UBE2D2: variants seen among roughly 807,000 people sequenced by gnomAD.
UBE2D2 encodes the protein ubiquitin-conjugating enzyme E2 D2.
In UBE2D2, 2 loss-of-function variants were observed where a neutral mutation model predicts 24.2. That is an observed-to-expected ratio of 0.08 (90% CI 0.03 to 0.26). The LOEUF (loss-of-function observed/expected upper bound fraction) is 0.26, where lower values mean the gene tolerates loss of function less well. UBE2D2 is among the 10% of genes least tolerant of loss of function. The pLI is 1.00. For synonymous variants in UBE2D2, 58 were observed against 56.5 expected, an observed-to-expected ratio of 1.03 and a Z score of -0.12; for missense variants, 44 against 177.6, an observed-to-expected ratio of 0.25 and a Z score of 4.28.
intron 1 of UBE2D2, among the ~76,000 whole-genome samples, chr5:139,532,011 C>A (rs888419447): frequency 6.6e-6 from 1 of 151,608 alleles, no homozygotes; most frequent in Non-Finnish European, 1.5e-5. Flanking sequence ...TTATGCATGA[C>A]CTCATTTATG....
At chr5:139,569,362 T>C (rs1753305166) in intron 1 of UBE2D2, among the ~76,000 whole-genome samples, 2 of 152,164 alleles carry the variant, frequency 1.3e-5, no homozygotes, top group African/African-American at 4.8e-5. Flanking sequence ...TTCTCTGAAG[T>C]CTCCCAGTGT....
intron 1 of UBE2D2, among the ~76,000 whole-genome samples, chr5:139,532,653 G>A (rs1396159791): frequency 6.6e-6 from 1 of 151,676 alleles, no homozygotes; most frequent in Non-Finnish European, 1.5e-5. Flanking sequence ...GCTTGGCCTA[G>A]TTTTTGTATA....
At position 139,536,420 on chromosome 5, in the gene UBE2D2, G is replaced by A. The variant is rs371091050; in HGVS notation, c.-64+9808G>A. Among the ~76,000 whole-genome samples the A allele has an allele frequency of 3.3e-4, 50 of 151,182 alleles. 1 individual carries two copies. The East Asian group carries it at 6.1e-3, about 18-fold the overall frequency. ...ACTCTGTAGCCCAGGCTGGAGTGCA[G>A]TGGCATAATCTTGGCTCACTGCAAC... On this transcript the variant is annotated intron_variant, in intron 1 of 6. Transcript: ENST00000511725.
chr5:139,532,738 C>T lies in UBE2D2; in HGVS notation c.-64+6126C>T, dbSNP rs183938620. Reference sequence around the variant, plus strand: ...CTGACCTCAACGGATCAGCCTGCCTCGGCCTCCCAAAGTGCTGGGATTACA... The same window carrying T: ...CTGACCTCAACGGATCAGCCTGCCTTGGCCTCCCAAAGTGCTGGGATTACA... On this transcript the variant is annotated intron_variant, in intron 1 of 6. Coordinates refer to the UBE2D2 transcript ENST00000511725. Among the ~76,000 whole-genome samples the T allele has an allele frequency of 2.3e-4, 35 of 152,060 alleles. No homozygotes were observed. The East Asian group carries it at 5.6e-3, about 24-fold the overall frequency.
chr5:139,613,737 A>C (rs1173592922), intron 2 of UBE2D2, among the ~76,000 whole-genome samples: 1 of 152,112 alleles, frequency 6.6e-6, no homozygotes, highest in African/African-American at 2.4e-5. Flanking sequence ...GTCTTTCTTA[A>C]TTTGAGTATT....
chr5:139,626,975 A>G lies in UBE2D2; in HGVS notation c.*174A>G. ...TTGTACATACTTGGAACAACAAACT[A>G]GAAATACTGTACTTCTGTACCAACA... On this transcript the variant is annotated 3_prime_UTR_variant, in exon 7 of 7. Coordinates refer to ENST00000398733, the MANE Select transcript of UBE2D2 (RefSeq NM_003339.3). 1 of 576,496 alleles carries G rather than the reference A, an allele frequency of 1.7e-6. No homozygotes were observed. The highest frequency in any genetic ancestry group is 3.2e-5 in the Admixed American group (1 of 31,096). The allele number at this position is 576,496 out of a possible 1,614,324, so 35.7% of individuals were successfully genotyped here.
intron 1 of UBE2D2, among the ~76,000 whole-genome samples, chr5:139,579,423 A>G (rs1211936327): frequency 1.3e-5 from 2 of 152,192 alleles, no homozygotes; most frequent in African/African-American, 2.4e-5. Context: ...CTGTGATTAC[A>G]GGCGTGAACC....
chr5:139,570,664 A>G (rs542353199), intron 1 of UBE2D2, among the ~76,000 whole-genome samples: 1 of 152,246 alleles, frequency 6.6e-6, no homozygotes, highest in Non-Finnish European at 1.5e-5. Flanking sequence ...GGCGCGTGCC[A>G]TGATGCCCAG....
intron 5 of UBE2D2, 23 bp downstream of exon 5, chr5:139,614,989 A>C (rs373016071): frequency 2.6e-6 from 4 of 1,565,712 alleles, no homozygotes; most frequent in African/African-American, 1.4e-5. Context: ...ATTTGATATC[A>C]AGATAAAGCA....
chr5:139,607,003 A>C (rs1361811717), intron 2 of UBE2D2, among the ~76,000 whole-genome samples: 1 of 152,074 alleles, frequency 6.6e-6, no homozygotes, highest in Non-Finnish European at 1.5e-5. Context: ...ACGGTATTTC[A>C]CCATGTTGGC....
rs1416861273 is a variant in UBE2D2 at position 139,562,015 on chromosome 5, GCTCTCGCGGCCTCAGCGTTC to G, written c.24+204_24+223del. 4.6e-6 allele frequency: 4 copies of G among 868,072 alleles called. No homozygotes were observed. In the African/African-American group the frequency reaches 7.1e-5, roughly 15 times the overall value. 53.8% of individuals were successfully genotyped at this position (868,072 alleles called of 1,614,324 possible). A position where few individuals can be genotyped will look rare whatever the true frequency, so the allele number is the denominator to read the frequency against. On this transcript the variant is annotated intron_variant, in intron 1 of 6. Transcript: ENST00000398733. ...CGCAGCCCGCGCTTAGGCCGGAGGT[GCTCTCGCGGCCTCAGCGTTC>G]CTCCCCGGCTGCCCTTCCAGGCCCG...
chr5:139,564,433 C>T (rs903790833), intron 1 of UBE2D2, among the ~76,000 whole-genome samples: 1 of 149,212 alleles, frequency 6.7e-6, no homozygotes. Flanking sequence ...GGATTATAGG[C>T]GTGAGCTACC....
chr5:139,532,513 G>A (rs926466986), intron 1 of UBE2D2, among the ~76,000 whole-genome samples: 11 of 151,866 alleles, frequency 7.2e-5, no homozygotes, highest in Non-Finnish European at 1.0e-4. Context: ...CATCACACCC[G>A]GCTAATTTTT....
At chr5:139,626,045 G>A (rs1425618449) in intron 6 of UBE2D2, among the ~76,000 whole-genome samples, 2 of 151,998 alleles carry the variant, frequency 1.3e-5, no homozygotes, top group Non-Finnish European at 2.9e-5. Flanking sequence ...TTGTTTTATT[G>A]ATATGAAAGG....
intron 1 of UBE2D2, among the ~76,000 whole-genome samples, chr5:139,530,774 T>A (rs1429107775): frequency 6.6e-6 from 1 of 152,160 alleles, no homozygotes; most frequent in Non-Finnish European, 1.5e-5. Flanking sequence ...AACTGGCACA[T>A]GTACCTGTGC....
intron 1 of UBE2D2, among the ~76,000 whole-genome samples, chr5:139,570,074 T>C (rs752419174): frequency 2.0e-5 from 3 of 152,108 alleles, no homozygotes; most frequent in Non-Finnish European, 4.4e-5. Flanking sequence ...TGGTCTGTAA[T>C]GGGAGACCCT....
At chr5:139,563,963 CT>C (rs1194474908) in intron 1 of UBE2D2, among the ~76,000 whole-genome samples, 1 of 151,966 alleles carries the variant, frequency 6.6e-6, no homozygotes, top group African/African-American at 2.4e-5. Flanking sequence ...ACTTTAATCT[CT>C]ACATTGAATT....
intron 1 of UBE2D2, among the ~76,000 whole-genome samples, chr5:139,538,697 C>G (rs182734024): frequency 9.1e-4 from 139 of 152,032 alleles, no homozygotes; most frequent in African/African-American, 3.2e-3. Flanking sequence ...ATGGAAAAAC[C>G]CTGTCTCTAC....
chr5:139,601,904 AC>A (rs1430891288), intron 2 of UBE2D2, among the ~76,000 whole-genome samples: 1 of 148,212 alleles, frequency 6.7e-6, no homozygotes, highest in Non-Finnish European at 1.5e-5. Flanking sequence ...AGTGAGACTT[AC>A]TCTCAAAAAA....
Sources: gnomAD v4.1 joint callset for allele counts (sites outside exome capture counted in the v4.1 genomes callset) on GRCh38, gnomAD v4.1.1 for gene constraint, MANE v1.5 for transcripts, NCBI Gene and HGNC (gene_info 2026-07-23, HGNC 2026-07-21) for gene names.